Variants in COG5 observed in about 807,000 individuals in gnomAD.
The protein encoded by COG5 is conserved oligomeric Golgi complex subunit 5.
A neutral mutation model predicts 110.4 loss-of-function variants in COG5; 86 were observed. The observed-to-expected ratio is 0.78, with a 90% CI of 0.65 to 0.93. COG5 has a LOEUF of 0.93. COG5 is among the 40% of genes least tolerant of loss of function. The pLI is 0.00. For synonymous variants in COG5, 360 were observed against 334.6 expected, an observed-to-expected ratio of 1.08 and a Z score of -0.83; for missense variants, 1,077 against 987.0, an observed-to-expected ratio of 1.09 and a Z score of -1.22.
chr7:107,391,674 G>A (rs1348725047), intron 7 of COG5, among the ~76,000 whole-genome samples: 2 of 152,118 alleles, frequency 1.3e-5, no homozygotes, highest in Non-Finnish European at 1.5e-5. Flanking sequence ...TGCAAGGTAA[G>A]GGAATAATTT....
intron 6 of COG5, among the ~76,000 whole-genome samples, chr7:107,478,792 A>T (rs1797140824): frequency 6.6e-6 from 1 of 152,016 alleles, no homozygotes; most frequent in South Asian, 2.1e-4. Context: ...GGGCATTAAA[A>T]ACCAGATTCC....
At chr7:107,289,806 T>C (rs1806013712) in intron 12 of COG5, among the ~76,000 whole-genome samples, 1 of 152,262 alleles carries the variant, frequency 6.6e-6, no homozygotes, top group South Asian at 2.1e-4. Flanking sequence ...TGAATTGTTA[T>C]AATTACTATT....
chr7:107,386,439 G>A (rs1790202370), intron 7 of COG5, among the ~76,000 whole-genome samples: 1 of 152,094 alleles, frequency 6.6e-6, no homozygotes, highest in Non-Finnish European at 1.5e-5. Flanking sequence ...CCCGCAGCTG[G>A]TGCCCCGTGT....
chr7:107,326,132 A>G (rs1216359590), intron 10 of COG5, among the ~76,000 whole-genome samples: 2 of 152,196 alleles, frequency 1.3e-5, no homozygotes, highest in Non-Finnish European at 2.9e-5. Context: ...CACTCAACAA[A>G]CTAGGACTCG....
At chr7:107,426,710 G>C (rs553730909) in intron 6 of COG5, among the ~76,000 whole-genome samples, 1 of 152,088 alleles carries the variant, frequency 6.6e-6, no homozygotes, top group South Asian at 2.1e-4. Context: ...TATGAATTTG[G>C]GGGAGACATA....
At chr7:107,207,909 T>G (rs904193591) in intron 21 of COG5, 2 of 985,294 alleles carry the variant, frequency 2.0e-6, no homozygotes, top group African/African-American at 3.5e-5. Flanking sequence ...TTGCCCTATT[T>G]TATGACAACC....
At chr7:107,271,359 A>T (rs1404878571) in intron 14 of COG5, among the ~76,000 whole-genome samples, 1 of 152,154 alleles carries the variant, frequency 6.6e-6, no homozygotes. Context: ...CATCAAATCT[A>T]CAGATCAATT....
At chr7:107,517,259 C>A (rs191079404) in intron 6 of COG5, among the ~76,000 whole-genome samples, 1 of 151,716 alleles carries the variant, frequency 6.6e-6, no homozygotes, top group African/African-American at 2.4e-5. Flanking sequence ...CTGAAGATCA[C>A]CTTGCTGAAA....
intron 6 of COG5, among the ~76,000 whole-genome samples, chr7:107,447,852 A>G (rs1443766859): frequency 1.3e-5 from 2 of 152,118 alleles, no homozygotes; most frequent in African/African-American, 2.4e-5. Flanking sequence ...ACTTTCCACA[A>G]ATTAATTTTA....
At chr7:107,449,135 T>C (rs1410389740) in intron 6 of COG5, among the ~76,000 whole-genome samples, 2 of 150,892 alleles carry the variant, frequency 1.3e-5, no homozygotes, top group East Asian at 2.0e-4. Context: ...TAAGAACACA[T>C]GGACACAGGG....
At chr7:107,478,330 T>TGG (rs1336719733) in intron 6 of COG5, among the ~76,000 whole-genome samples, 16 of 152,110 alleles carry the variant, frequency 1.1e-4, no homozygotes, top group Admixed American at 8.5e-4. Flanking sequence ...ATGATAATTC[T>TGG]GTACTTCTGA....
intron 14 of COG5, among the ~76,000 whole-genome samples, chr7:107,264,661 C>T (rs1237715568): frequency 6.6e-6 from 1 of 152,112 alleles, no homozygotes; most frequent in Non-Finnish European, 1.5e-5. Flanking sequence ...CCACTGTACT[C>T]CAGCCCGAGC....
Position 107,385,561 on chromosome 7 carries a change from C to T in COG5, c.670-12801G>A, listed in dbSNP as rs138189112. On this transcript the variant is annotated intron_variant, in intron 7 of 21. Coordinates refer to ENST00000297135, the MANE Select transcript of COG5 (RefSeq NM_006348.5). ...GGGAATTCTGATGTACATTACAACA[C>T]GGATAAACCTTGAGGACATTTTGCT... is the stretch of plus-strand genomic sequence containing the variant. 1.3e-3 allele frequency among the ~76,000 whole-genome samples: 192 copies of T among 152,190 alleles called. 2 individuals are homozygous for T. Among genetic ancestry groups the T allele is most frequent in the African/African-American group, 4.3e-3 (180 of 41,512 alleles).
chr7:107,476,183 T>TAAAAAAAAAAAAAAAAAAAAAAA lies in COG5; in HGVS notation c.538+51053_538+51054insTTTTTTTTTTTTTTTTTTTTTTT, dbSNP rs1563056700. Among the ~76,000 whole-genome samples, 78 of 86,414 alleles carry TAAAAAAAAAAAAAAAAAAAAAAA rather than the reference T, an allele frequency of 9.0e-4. 4 individuals are homozygous for TAAAAAAAAAAAAAAAAAAAAAAA. The highest frequency in any genetic ancestry group is 1.3e-3 in the African/African-American group (22 of 17,202). 56.7% of individuals were successfully genotyped at this position (86,414 alleles called of 152,430 possible). ...TCTGGATTAATATAGTGCAATGATT[T>TAAAAAAAAAAAAAAAAAAAAAAA]TAAAAAAAAAAAAAAAAAAAAAAAG... On this transcript the variant is annotated intron_variant, in intron 6 of 21. Coordinates refer to ENST00000297135, the MANE Select transcript of COG5 (RefSeq NM_006348.5).
At chr7:107,261,060 A>G (rs938618719) in intron 14 of COG5, among the ~76,000 whole-genome samples, 1 of 152,076 alleles carries the variant, frequency 6.6e-6, no homozygotes, top group Admixed American at 6.6e-5. Context: ...CGCATATTCA[A>G]GTCCCACGGT....
At chr7:107,203,692 G>T in intron 21 of COG5, 62 bp from the exon 22 acceptor site, 1 of 1,024,450 alleles carries the variant, frequency 9.8e-7, no homozygotes, top group Non-Finnish European at 1.5e-6. Flanking sequence ...CAGTTAAGGG[G>T]ATACCAATAT....
chr7:107,562,847 G>A (rs1472318292), intron 1 of COG5, among the ~76,000 whole-genome samples: 1 of 152,168 alleles, frequency 6.6e-6, no homozygotes, highest in Non-Finnish European at 1.5e-5. Context: ...CTTCAAATGT[G>A]TGCATGTGCT....
rs113121743 is a variant in COG5, at chr7:107,550,418, C to G, written c.293-2086G>C. 3.0e-3 allele frequency among the ~76,000 whole-genome samples: 463 copies of G among 152,320 alleles called. 5 individuals are homozygous for G. The highest frequency in any genetic ancestry group is 0.01 in the African/African-American group (435 of 41,582). ...CTGATTAAACTCTTCCAATGGTTTA[C>G]CATTGCATTTAGAATTAAATCCAAA... On this transcript the variant is annotated intron_variant, in intron 3 of 21. Transcript: ENST00000297135.
At position 107,262,488 on chromosome 7, in the gene COG5, T is replaced by A. The variant is rs113403247; in HGVS notation, c.1576-4105A>T. ...CGGGGCAGGGTATTAAGAATACATA[T>A]ATTCATGGTCACTTAGGAAAATTCT... On this transcript the variant is annotated intron_variant, in intron 14 of 21. Transcript: ENST00000297135. Among the ~76,000 whole-genome samples the A allele has an allele frequency of 6.6e-5, 10 of 152,210 alleles. 3 individuals are homozygous for A. Among genetic ancestry groups the A allele is most frequent in the African/African-American group, 2.4e-4 (10 of 41,522 alleles).
Sources: gnomAD v4.1 joint callset for allele counts (sites outside exome capture counted in the v4.1 genomes callset) on GRCh38, gnomAD v4.1.1 for gene constraint, MANE v1.5 for transcripts, NCBI Gene and HGNC (gene_info 2026-07-23, HGNC 2026-07-21) for gene names.